AHNAK: variants seen among roughly 807,000 people sequenced by gnomAD.
AHNAK encodes the protein AHNAK nucleoprotein.
In AHNAK, 23 loss-of-function variants were observed where a neutral mutation model predicts 37.8. The observed-to-expected ratio is 0.61, with a 90% CI of 0.44 to 0.86. The LOEUF (loss-of-function observed/expected upper bound fraction) is 0.86. Ranked by LOEUF, AHNAK falls within the 40% of genes least tolerant of loss-of-function variation. The pLI is 0.00. For missense variants in AHNAK, 7,411 were observed against 7,319.4 expected, an observed-to-expected ratio of 1.01 and a Z score of -0.46; for synonymous variants, 2,481 against 2,636.3, an observed-to-expected ratio of 0.94 and a Z score of 1.80.
intron 5 of AHNAK, among the ~76,000 whole-genome samples, chr11:62,474,791 A>G (rs1023602373): frequency 1.3e-5 from 2 of 152,196 alleles, no homozygotes; most frequent in Non-Finnish European, 2.9e-5. Context: ...AGAGTGAGCA[A>G]ACAATGTCCC....
chr11:62,477,190 C>T (rs942514142), intron 5 of AHNAK, among the ~76,000 whole-genome samples: 8 of 152,056 alleles, frequency 5.3e-5, no homozygotes, highest in East Asian at 1.9e-4. Flanking sequence ...CGTCGAATCC[C>T]GAAGCATGGA....
rs372030786 is a variant in AHNAK at position 62,527,027 on chromosome 11, C to G, written c.7390G>C (p.Gly2464Arg). The G allele has an allele frequency of 6.2e-7, 1 of 1,613,962 alleles. No homozygotes were observed. Among genetic ancestry groups the G allele is most frequent in the East Asian group, 2.2e-5 (1 of 44,886 alleles). ...SMPDVDLNLK[G>R]PKIKGDVDVS... ...TCCACATCCCCCTTGATTTTGGGTC[C>G]TTTGAGATTTAGATCAACATCAGGC... The change falls in exon 5 of 5, where the codon GGA becomes CGA. Residue 2464 changes from glycine to arginine, a missense_variant. Gly to Arg is a moderately radical substitution (Grantham distance 125). Coordinates refer to ENST00000378024, the MANE Select transcript of AHNAK (RefSeq NM_001620.3).
chr11:62,450,007 G>A (rs1938499988), intron 5 of AHNAK, among the ~76,000 whole-genome samples: 2 of 152,198 alleles, frequency 1.3e-5, no homozygotes, highest in African/African-American at 2.4e-5. Flanking sequence ...TGCTTTGGGA[G>A]GCTGAGGTAG....
Position 62,526,163 on chromosome 11 carries a change from C to T in AHNAK, c.8254G>A (p.Ala2752Thr), listed in dbSNP as rs752833516. The T allele has an allele frequency of 3.7e-6, 6 of 1,613,398 alleles. No individual in the cohort carries two copies. Among genetic ancestry groups the T allele is most frequent in the East Asian group, 2.2e-5 (1 of 44,852 alleles). Residue 2752 changes from alanine (A) to threonine (T), a missense_variant, in exon 5 of 5, where the codon GCA becomes ACA. Ala to Thr is a moderately conservative substitution (Grantham distance 58). Coordinates refer to ENST00000378024, the MANE Select transcript of AHNAK (RefSeq NM_001620.3). ...GGGCCATGAACATCAACATCAGGTG[C>T]GTCAATGTCCACTTTTGGGCCCTTG... The part of the protein sequence containing the change: ...DIKGPKVDID[A>T]PDVDVHGPDW...
chr11:62,513,543 A>C (rs78064901), downstream of AHNAK, among the ~76,000 whole-genome samples: 1 of 124,976 alleles, frequency 8.0e-6, no homozygotes, highest in African/African-American at 4.0e-5. Context: ...CTCAAAAATA[A>C]AAAAAAAAAA....
intron 5 of AHNAK, among the ~76,000 whole-genome samples, chr11:62,450,765 A>AT (rs1189940816): frequency 6.6e-6 from 1 of 152,250 alleles, no homozygotes; most frequent in Admixed American, 6.5e-5. Flanking sequence ...CCCTAGGCCC[A>AT]TTGGACTTTC....
intron 1 of AHNAK, among the ~76,000 whole-genome samples, chr11:62,544,278 C>T (rs1376156342): frequency 6.6e-6 from 1 of 152,190 alleles, no homozygotes; most frequent in African/African-American, 2.4e-5. Context: ...GTGTCCCACC[C>T]CTGGCCCTGG....
intron 4 of AHNAK, among the ~76,000 whole-genome samples, chr11:62,499,007 G>C (rs905914142): frequency 6.6e-6 from 1 of 152,138 alleles, no homozygotes; most frequent in Non-Finnish European, 1.5e-5. Flanking sequence ...TGCCTTCATG[G>C]AGCCTATATT....
At chr11:62,491,631 G>A (rs573571522) in intron 5 of AHNAK, 21 of 1,138,328 alleles carry the variant, frequency 1.8e-5, no homozygotes, top group Non-Finnish European at 2.4e-5. Flanking sequence ...ATCCTTCCAC[G>A]TGTGGCTTCC....
intron 5 of AHNAK, among the ~76,000 whole-genome samples, chr11:62,491,452 C>A (rs142602513): frequency 1.3e-5 from 2 of 152,176 alleles, no homozygotes; most frequent in Non-Finnish European, 2.9e-5. Context: ...GGATATTCCA[C>A]GGCAGCCCTC....
At position 62,524,780 on chromosome 11, in the gene AHNAK, T is replaced by C. The variant is rs772502477; in HGVS notation, c.9637A>G (p.Asn3213Asp). ...KGPKFKMPEM[N>D]IKAPKISMPD... ...ATTGATATTTTAGGAGCTTTGATGT[T>C]CATCTCTGGCATCTTGAATTTAGGG... The change falls in exon 5 of 5, where the codon AAC becomes GAC. Residue 3213 changes from asparagine to aspartate, a missense_variant. Coordinates refer to ENST00000378024, the MANE Select transcript of AHNAK (RefSeq NM_001620.3). 7 of 1,614,176 alleles carry C rather than the reference T, an allele frequency of 4.3e-6. No individual in the cohort carries two copies. The South Asian group carries it at 6.6e-5, about 15-fold the overall frequency.
In AHNAK at chr11:62,524,505, G is replaced by C. The variant is rs1940395733; in HGVS notation, c.9912C>G (p.Gly3304=). The C allele has an allele frequency of 6.2e-7, 1 of 1,613,950 alleles. No homozygotes were observed. The highest frequency in any genetic ancestry group is 1.3e-5 in the African/African-American group (1 of 74,882). The change falls in exon 5 of 5, where the codon GGC becomes GGG. Residue 3304 remains glycine (G), a synonymous_variant. Coordinates refer to ENST00000378024, the MANE Select transcript of AHNAK (RefSeq NM_001620.3). The part of the protein sequence containing the change: ...SMPEIDLNLK[G]SKLKGDVDVS... The stretch of plus-strand genomic sequence containing the variant: ...CATCAACATCTCCCTTAAGCTTTGA[G>C]CCTTTCAAATTCAAGTCAATTTCTG...
chr11:62,459,892 C>T (rs1275811058), intron 5 of AHNAK, among the ~76,000 whole-genome samples: 1 of 152,188 alleles, frequency 6.6e-6, no homozygotes, highest in Non-Finnish European at 1.5e-5. Flanking sequence ...GTAATCCCAG[C>T]ACTTTGGGAG....
intron 4 of AHNAK, among the ~76,000 whole-genome samples, chr11:62,500,230 A>G (rs1345472736): frequency 2.0e-5 from 3 of 152,246 alleles, no homozygotes; most frequent in Non-Finnish European, 4.4e-5. Context: ...CGAGGACCGT[A>G]GTAAACGCAA....
intron 1 of AHNAK, among the ~76,000 whole-genome samples, chr11:62,544,149 C>T (rs900038193): frequency 2.0e-5 from 3 of 152,176 alleles, no homozygotes; most frequent in Admixed American, 2.0e-4. Context: ...CAAAAGAATC[C>T]AGCCTGGCAG....
At chr11:62,463,088 C>A (rs1215442552) in intron 5 of AHNAK, among the ~76,000 whole-genome samples, 1 of 140,898 alleles carries the variant, frequency 7.1e-6, no homozygotes, top group African/African-American at 2.7e-5. Context: ...CGTGCCCCTG[C>A]ACTCCAGCCT....
chr11:62,453,773 GCA>G (rs1425826737), intron 5 of AHNAK, among the ~76,000 whole-genome samples: 1 of 152,214 alleles, frequency 6.6e-6, no homozygotes, highest in Non-Finnish European at 1.5e-5. Context: ...GCTGCCGTGT[GCA>G]CAGTCAGAAA....
chr11:62,511,559 C>T (rs1243437421), downstream of AHNAK, among the ~76,000 whole-genome samples: 2 of 152,044 alleles, frequency 1.3e-5, no homozygotes, highest in African/African-American at 4.8e-5. Flanking sequence ...TCCGGCCCAG[C>T]AGTAGATTTT....
At position 62,526,933 on chromosome 11, in the gene AHNAK, T is replaced by C; in HGVS notation, c.7484A>G (p.Asp2495Gly). ...PDMNIRGPKV[D>G]VNAPDVQAPD... ...AGCTTGGACATCGGGGGCATTTACA[T>C]CAACTTTGGGGCCCCTGATGTTCAT... The change falls in exon 5 of 5, where the codon GAT (aspartate) becomes GGT (glycine). Residue 2495 changes from aspartate (D) to glycine (G), a missense_variant. Transcript: ENST00000378024. 2.5e-6 allele frequency: 4 copies of C among 1,614,204 alleles called. No homozygotes were observed. Among genetic ancestry groups the C allele is most frequent in the Non-Finnish European group, 2.5e-6 (3 of 1,180,034 alleles).
Sources: allele counts gnomAD v4.1 joint callset (sites outside exome capture counted in the v4.1 genomes callset), GRCh38; gene constraint gnomAD v4.1.1; transcripts MANE v1.5; gene names NCBI Gene and HGNC (gene_info 2026-07-23, HGNC 2026-07-21).